Variants in CERK observed in about 807,000 individuals in gnomAD.
CERK encodes acylsphingosine kinase.
CERK carries 39 observed loss-of-function variants against 63.4 expected under a neutral mutation model. The observed-to-expected ratio is 0.61, with a 90% CI of 0.48 to 0.80. The LOEUF is 0.80. Ranked by LOEUF, CERK falls within the 30% of genes least tolerant of loss-of-function variation. The pLI is 0.00. For synonymous variants in CERK, 302 were observed against 280.0 expected (o/e 1.08, Z -0.78); for missense variants, 670 against 714.1 (o/e 0.94, Z 0.70).
At chr22:46,709,425 G>A (rs1007517152) in intron 5 of CERK, among the ~76,000 whole-genome samples, 5 of 152,206 alleles carry the variant, frequency 3.3e-5, no homozygotes, top group Non-Finnish European at 4.4e-5. Context: ...GCCATCGGGT[G>A]GAGTTGGGGA....
chr22:46,734,371 T>C (rs538146323), intron 1 of CERK, among the ~76,000 whole-genome samples: 1 of 150,388 alleles, frequency 6.6e-6, no homozygotes, highest in East Asian at 2.0e-4. Flanking sequence ...TGATTCCATT[T>C]ACATGAGATA....
intron 3 of CERK, among the ~76,000 whole-genome samples, chr22:46,719,705 G>A (rs1414243203): frequency 6.6e-6 from 1 of 152,142 alleles, no homozygotes; most frequent in East Asian, 1.9e-4. Context: ...AAAAAGACAT[G>A]GACGCATCCC....
intron 1 of CERK, among the ~76,000 whole-genome samples, chr22:46,736,683 C>A (rs1479620803): frequency 1.3e-5 from 2 of 152,174 alleles, no homozygotes; most frequent in African/African-American, 4.8e-5. Flanking sequence ...AAAGTCAAGT[C>A]TCAGATGCCC....
intron 1 of CERK, among the ~76,000 whole-genome samples, chr22:46,722,743 G>A (rs1373631245): frequency 1.3e-5 from 2 of 152,132 alleles, no homozygotes; most frequent in African/African-American, 4.8e-5. Context: ...ATTTTTAGTA[G>A]AGACAGGGTT....
chr22:46,730,187 GC>G (rs2082938734), intron 1 of CERK, among the ~76,000 whole-genome samples: 2 of 151,984 alleles, frequency 1.3e-5, no homozygotes, highest in African/African-American at 4.8e-5. Context: ...GGAGGCCAAG[GC>G]GGGCAGATTG....
intron 6 of CERK, among the ~76,000 whole-genome samples, chr22:46,706,360 G>C (rs1044537756): frequency 2.6e-5 from 4 of 152,194 alleles, no homozygotes; most frequent in African/African-American, 9.7e-5. Context: ...CGGCACACAG[G>C]AGGCCTGAGA....
chr22:46,696,067 TCACA>T (rs1306699497), intron 8 of CERK, among the ~76,000 whole-genome samples: 7 of 152,134 alleles, frequency 4.6e-5, no homozygotes, highest in African/African-American at 1.7e-4. Context: ...TGCAGGGCCG[TCACA>T]CACAACCTTA....
chr22:46,692,904 CAA>C (rs34255348), intron 10 of CERK, among the ~76,000 whole-genome samples: 27,037 of 92,454 alleles, frequency 0.29, 2,345 homozygotes, highest in East Asian at 0.58. Context: ...AAACTCCATC[CAA>C]AAAAAAAAAA....
At position 46,687,086 on chromosome 22, in the gene CERK, TTAAA is replaced by T. The variant is rs776469526; in HGVS notation, c.*44_*47del. 3.9e-5 allele frequency: 58 copies of T among 1,485,668 alleles called. No individual in the cohort carries two copies. In the South Asian group the frequency reaches 5.3e-4, roughly 14 times the overall value. The allele number at this position is 1,485,668 out of a possible 1,614,324, so 92.0% of individuals were successfully genotyped here. ...ACATAATTGGTCTGTAATAATTATC[TTAAA>T]TAGTTTTCACACTTTCCCAGTTTGT... On this transcript the variant is annotated 3_prime_UTR_variant, in exon 13 of 13. Coordinates refer to ENST00000216264, the MANE Select transcript of CERK (RefSeq NM_022766.6).
intron 1 of CERK, among the ~76,000 whole-genome samples, chr22:46,725,388 G>C (rs529191175): frequency 6.6e-6 from 1 of 152,128 alleles, no homozygotes; most frequent in Non-Finnish European, 1.5e-5. Context: ...ACCACCGAGG[G>C]CTGGCACACA....
chr22:46,713,100 G>T (rs2082849750), intron 3 of CERK, among the ~76,000 whole-genome samples: 1 of 151,942 alleles, frequency 6.6e-6, no homozygotes, highest in Admixed American at 6.6e-5. Flanking sequence ...TTTCTGTTTT[G>T]GTGGGTTCAT....
chr22:46,724,756 A>T (rs533085570), intron 1 of CERK, among the ~76,000 whole-genome samples: 2 of 152,256 alleles, frequency 1.3e-5, no homozygotes, highest in African/African-American at 4.8e-5. Context: ...GGGGTGGCTC[A>T]CACCTGTAAT....
At position 46,701,642 on chromosome 22, in the gene CERK, C is replaced by T. The variant is rs369661597; in HGVS notation, c.784G>A (p.Val262Ile). The change falls in exon 7 of 13, where the codon GTT (valine) becomes ATT (isoleucine). Residue 262 changes from valine (V) to isoleucine (I), a missense_variant. Coordinates refer to ENST00000216264, the MANE Select transcript of CERK (RefSeq NM_022766.6). ...GCGCAGAGGAGGGGCTCACCAACAA[C>T]GATATGCAGCGCCGAGGTTTCTGCG... ...SDAETSALHI[V>I]VGDSLAMDVS... The T allele has an allele frequency of 3.1e-5, 48 of 1,556,868 alleles. No homozygotes were observed. The highest frequency in any genetic ancestry group is 9.6e-5 in the Admixed American group (5 of 51,930).
intron 1 of CERK, among the ~76,000 whole-genome samples, chr22:46,737,555 C>T (rs2082981008): frequency 1.3e-5 from 2 of 152,228 alleles, no homozygotes; most frequent in Non-Finnish European, 2.9e-5. Context: ...CCTCACCCTG[C>T]AAGGGCGCCT....
In CERK at chr22:46,713,440, C is replaced by A. The variant is rs1410331798; in HGVS notation, c.380-1147G>T. On this transcript the variant is annotated intron_variant, in intron 3 of 12. Transcript: ENST00000216264. ...AGGAGAATGGCATGAACCCGGGAGG[C>A]GGAGCTGGCAGTGAGCCAAGGTCGC... Among the ~76,000 whole-genome samples, 3 of 132,462 alleles carry A rather than the reference C, an allele frequency of 2.3e-5. No individual in the cohort carries two copies. In the East Asian group the frequency reaches 7.8e-4, roughly 34 times the overall value. The allele number at this position is 132,462 out of a possible 152,430, so 86.9% of individuals were successfully genotyped here.
At chr22:46,706,211 CAT>C (rs2082812040) in intron 6 of CERK, among the ~76,000 whole-genome samples, 1 of 152,260 alleles carries the variant, frequency 6.6e-6, no homozygotes, top group African/African-American at 2.4e-5. Flanking sequence ...ACCGAGGACA[CAT>C]GAGTGAAAGC....
chr22:46,687,729 G>T (rs138192584), intron 12 of CERK, among the ~76,000 whole-genome samples: 1 of 152,324 alleles, frequency 6.6e-6, no homozygotes, highest in Non-Finnish European at 1.5e-5. Context: ...AGAGCCTTCG[G>T]GCTTGAGGAA....
chr22:46,701,933 C>A (rs1359394645), intron 6 of CERK, among the ~76,000 whole-genome samples: 2 of 152,158 alleles, frequency 1.3e-5, no homozygotes, highest in Non-Finnish European at 2.9e-5. Flanking sequence ...GTCATCCCAG[C>A]ACTTTGAGAG....
At chr22:46,728,109 C>A (rs1403616334) in intron 1 of CERK, among the ~76,000 whole-genome samples, 2 of 152,098 alleles carry the variant, frequency 1.3e-5, no homozygotes, top group Non-Finnish European at 2.9e-5. Context: ...CCTAGACCTG[C>A]TTAGACGACA....
Sources: gnomAD v4.1 joint callset for allele counts (sites outside exome capture counted in the v4.1 genomes callset) on GRCh38, gnomAD v4.1.1 for gene constraint, MANE v1.5 for transcripts, NCBI Gene and HGNC (gene_info 2026-07-23, HGNC 2026-07-21) for gene names.